The following PBX4 variants were observed in gnomAD, a reference collection of about 807,000 sequenced individuals.
PBX4 encodes PBX homeobox 4, also known as pre-B-cell leukemia transcription factor 4.
In PBX4, 26 loss-of-function variants were observed where a neutral mutation model predicts 35.1. The observed-to-expected ratio is 0.74, with a 90% CI of 0.54 to 1.03. The LOEUF is 1.03. Ranked by LOEUF, PBX4 falls within the 50% of genes least tolerant of loss-of-function variation. The pLI, the probability that PBX4 is intolerant of heterozygous loss-of-function variation, is 0.00. For synonymous variants in PBX4, 199 were observed against 204.2 expected, an observed-to-expected ratio of 0.97 and a Z score of 0.22; for missense variants, 448 against 504.3, an observed-to-expected ratio of 0.89 and a Z score of 1.07.
chr19:19,587,567 G>GAC (rs1324453940), intron 2 of PBX4, among the ~76,000 whole-genome samples: 1 of 139,212 alleles, frequency 7.2e-6, no homozygotes, highest in Non-Finnish European at 1.5e-5. Context: ...CAGCCTGGGT[G>GAC]ACAGAGCAAG....
intron 2 of PBX4, chr19:19,588,552 C>T: frequency 8.8e-6 from 4 of 455,600 alleles, no homozygotes; most frequent in Non-Finnish European, 1.7e-5. Flanking sequence ...GCTGGCATTA[C>T]AGGTGTGAGC....
intron 5 of PBX4, among the ~76,000 whole-genome samples, chr19:19,568,801 T>C (rs1462657636): frequency 1.3e-5 from 2 of 152,076 alleles, no homozygotes; most frequent in Admixed American, 1.3e-4. Flanking sequence ...CTCAGGGAGT[T>C]CACACTCTGT....
In PBX4 at chr19:19,618,655, T is replaced by C; in HGVS notation, c.-26A>G. 1 of 1,201,598 alleles carries C rather than the reference T, an allele frequency of 8.3e-7. No individual in the cohort carries two copies. The highest frequency in any genetic ancestry group is 1.0e-6 in the Non-Finnish European group (1 of 968,316). 74.4% of individuals were successfully genotyped at this position (1,201,598 alleles called of 1,614,324 possible). On this transcript the variant is annotated 5_prime_UTR_variant, in exon 1 of 8. Coordinates refer to ENST00000251203, the MANE Select transcript of PBX4 (RefSeq NM_025245.3). ...GAGCGGCAGGGCCGGGCGGGCGCTGTGAGGGTGCCGTCGAGCCTGGAGCAC... is the reference window on the plus strand; with the variant it reads ...GAGCGGCAGGGCCGGGCGGGCGCTGCGAGGGTGCCGTCGAGCCTGGAGCAC...
In PBX4 at chr19:19,618,594, G is replaced by T; in HGVS notation, c.36C>A (p.Pro12=). 3.9e-6 allele frequency: 5 copies of T among 1,286,572 alleles called. No homozygotes were observed. The highest frequency in any genetic ancestry group is 3.9e-6 in the Non-Finnish European group (4 of 1,015,298). 79.7% of individuals were successfully genotyped at this position (1,286,572 alleles called of 1,614,324 possible). ...AAPPRPAPSP[P]APRRLDTSDV... ...CGCTCGTGTCGAGGCGCCGCGGGGCGGGGGGCGATGGCGCGGGGCGCGGCG... is the reference window on the plus strand; with the variant it reads ...CGCTCGTGTCGAGGCGCCGCGGGGCTGGGGGCGATGGCGCGGGGCGCGGCG... Residue 12 remains proline (P), a synonymous_variant, in exon 1 of 8, where the codon CCC becomes CCA. Coordinates refer to ENST00000251203, the MANE Select transcript of PBX4 (RefSeq NM_025245.3).
chr19:19,570,127 G>A lies in PBX4; in HGVS notation c.614C>T (p.Ser205Leu), dbSNP rs762057005. 26 of 1,607,494 alleles carry A rather than the reference G, an allele frequency of 1.6e-5. No individual in the cohort carries two copies. The highest frequency in any genetic ancestry group is 4.5e-5 in the East Asian group (2 of 44,756). The change falls in exon 4 of 8, where the codon TCG becomes TTG. Residue 205 changes from serine (S) to leucine (L), a missense_variant. Coordinates refer to ENST00000251203, the MANE Select transcript of PBX4 (RefSeq NM_025245.3). ...CCCTGACCTGGCATCGAGCAGCCGC[G>A]AACGCAGGGTCATCACTGCCTCACA... is the stretch of plus-strand genomic sequence containing the variant. Reference protein sequence around the residue: ...STCEAVMTLRSRLLDARRKRR... With the variant: ...STCEAVMTLRLRLLDARRKRR...
chr19:19,596,739 C>A (rs765106066), intron 2 of PBX4, among the ~76,000 whole-genome samples: 5 of 151,004 alleles, frequency 3.3e-5, no homozygotes, highest in African/African-American at 7.3e-5. Flanking sequence ...GGCAACATGA[C>A]AAAACCCTCT....
At chr19:19,580,483 G>T (rs1040276523) in intron 2 of PBX4, among the ~76,000 whole-genome samples, 1 of 152,182 alleles carries the variant, frequency 6.6e-6, no homozygotes, top group Non-Finnish European at 1.5e-5. Flanking sequence ...ACCCAGCGTG[G>T]TAACTGGGAC....
chr19:19,603,218 G>A (rs1049293729), intron 1 of PBX4, among the ~76,000 whole-genome samples: 4 of 152,174 alleles, frequency 2.6e-5, no homozygotes, highest in Admixed American at 1.3e-4. Context: ...CAGGGCAGTT[G>A]TCTCCATGTG....
intron 5 of PBX4, among the ~76,000 whole-genome samples, chr19:19,568,871 G>C (rs562328258): frequency 4.0e-4 from 60 of 151,778 alleles, no homozygotes; most frequent in African/African-American, 1.4e-3. Flanking sequence ...ACACTCCACA[G>C]CATCACCTCT....
At chr19:19,600,795 C>CAACA (rs748032600) in intron 1 of PBX4, among the ~76,000 whole-genome samples, 15 of 111,636 alleles carry the variant, frequency 1.3e-4, no homozygotes, top group Non-Finnish European at 2.6e-4. Flanking sequence ...CCAGCCTGGG[C>CAACA]AACAGAGAGA....
chr19:19,571,092 C>A (rs1007825803), intron 2 of PBX4, among the ~76,000 whole-genome samples: 2 of 152,218 alleles, frequency 1.3e-5, no homozygotes, highest in Admixed American at 1.3e-4. Context: ...CCTGTGAGGG[C>A]AAACCTTGGT....
At chr19:19,609,744 G>A (rs1191206256) in intron 1 of PBX4, among the ~76,000 whole-genome samples, 1 of 151,992 alleles carries the variant, frequency 6.6e-6, no homozygotes, top group Non-Finnish European at 1.5e-5. Flanking sequence ...CCAGCTACTC[G>A]GGAGGCTGAG....
At chr19:19,584,440 C>T (rs983435238) in intron 2 of PBX4, among the ~76,000 whole-genome samples, 12 of 152,046 alleles carry the variant, frequency 7.9e-5, no homozygotes, top group African/African-American at 2.9e-4. Context: ...ACCAGAAACT[C>T]GGGAGGGGGA....
rs540966491 is a variant in PBX4 at position 19,569,864 on chromosome 19, C to T, written c.632+245G>A. ...GGCGGAGGTTGTGGTGAGTGGAGAT[C>T]GCACCACTGCACTCCAGCCTGGGCA... is the stretch of plus-strand genomic sequence containing the variant. On this transcript the variant is annotated intron_variant, in intron 4 of 7. Transcript: ENST00000251203. Among the ~76,000 whole-genome samples the T allele has an allele frequency of 3.9e-5, 6 of 152,168 alleles. No homozygotes were observed. In the East Asian group the frequency reaches 7.7e-4, roughly 20 times the overall value.
intron 2 of PBX4, among the ~76,000 whole-genome samples, chr19:19,585,938 G>A (rs2061486103): frequency 6.6e-6 from 1 of 152,190 alleles, no homozygotes; most frequent in Non-Finnish European, 1.5e-5. Context: ...GTTGCTCACA[G>A]AAAGCCTGTT....
chr19:19,575,240 A>C (rs1003600753), intron 2 of PBX4, among the ~76,000 whole-genome samples: 38 of 149,484 alleles, frequency 2.5e-4, no homozygotes, highest in Non-Finnish European at 4.0e-4. Flanking sequence ...CTGTCTCAAA[A>C]AAAAAAAAAA....
intron 2 of PBX4, chr19:19,579,938 C>T (rs1318510384): frequency 6.6e-6 from 1 of 152,382 alleles, no homozygotes; most frequent in African/African-American, 2.4e-5. Context: ...GCCTCCTCCC[C>T]ATCTCCCCCC....
Position 19,618,667 on chromosome 19 carries a change from C to T in PBX4, c.-38G>A, listed in dbSNP as rs1020429047. 1.0e-5 allele frequency: 12 copies of T among 1,192,730 alleles called. No individual in the cohort carries two copies. In the African/African-American group the frequency reaches 1.4e-4, roughly 14 times the overall value. The allele number at this position is 1,192,730 out of a possible 1,614,324, so 73.9% of individuals were successfully genotyped here. On this transcript the variant is annotated 5_prime_UTR_variant, in exon 1 of 8. Coordinates refer to ENST00000251203, the MANE Select transcript of PBX4 (RefSeq NM_025245.3). ...CGGGCGGGCGCTGTGAGGGTGCCGT[C>T]GAGCCTGGAGCACTACCACTGGCGC...
At chr19:19,598,661 C>G (rs578025307) in intron 2 of PBX4, among the ~76,000 whole-genome samples, 1 of 152,262 alleles carries the variant, frequency 6.6e-6, no homozygotes, top group South Asian at 2.1e-4. Context: ...TGACTGAATG[C>G]TAAGCACCTC....
Sources: allele counts gnomAD v4.1 joint callset (sites outside exome capture counted in the v4.1 genomes callset), GRCh38; gene constraint gnomAD v4.1.1; transcripts MANE v1.5; gene names NCBI Gene and HGNC (gene_info 2026-07-23, HGNC 2026-07-21).